The following HEMK2 variants were observed in gnomAD, a reference collection of about 807,000 sequenced individuals.
HEMK2 encodes methyltransferase HEMK2.
At chr21:28,701,683 G>A in the HEMK2 span, among the ~76,000 whole-genome samples, 1 of 151,756 alleles carries the variant, frequency 6.6e-6, no homozygotes, top group Non-Finnish European at 1.5e-5. Flanking sequence ...AATCAGAGGT[G>A]ACATAAACAA....
the HEMK2 span, among the ~76,000 whole-genome samples, chr21:28,774,899 T>C: frequency 6.6e-6 from 1 of 152,220 alleles, no homozygotes; most frequent in Non-Finnish European, 1.5e-5. Context: ...ATCTTCAAGA[T>C]GCATCTAAAT....
chr21:28,767,856 A>G, the HEMK2 span, among the ~76,000 whole-genome samples: 65,878 of 151,542 alleles, frequency 0.43, 15,631 homozygotes, highest in African/African-American at 0.61. Flanking sequence ...ACATCCTCTC[A>G]CAGTCACCTG....
At chr21:28,653,545 C>T in the HEMK2 span, among the ~76,000 whole-genome samples, 2 of 152,090 alleles carry the variant, frequency 1.3e-5, no homozygotes, top group African/African-American at 4.8e-5. Flanking sequence ...TAAAAGGAAA[C>T]AACCTCACAG....
chr21:28,786,081 C>G, the HEMK2 span, among the ~76,000 whole-genome samples: 108 of 152,296 alleles, frequency 7.1e-4, no homozygotes, highest in African/African-American at 2.5e-3. Flanking sequence ...ATTCCTGGTG[C>G]ATAACCCAGT....
At chr21:28,781,400 C>T in the HEMK2 span, among the ~76,000 whole-genome samples, 2 of 152,148 alleles carry the variant, frequency 1.3e-5, no homozygotes, top group African/African-American at 4.8e-5. Flanking sequence ...TATAGCTACC[C>T]ATGACGCCAT....
the HEMK2 span, among the ~76,000 whole-genome samples, chr21:28,678,928 C>A: frequency 2.0e-5 from 3 of 152,180 alleles, no homozygotes; most frequent in African/African-American, 7.2e-5. Flanking sequence ...CGGTACCAGT[C>A]ACTGCAAAAA....
At chr21:28,643,390 G>A in the HEMK2 span, among the ~76,000 whole-genome samples, 1 of 152,124 alleles carries the variant, frequency 6.6e-6, no homozygotes, top group Non-Finnish European at 1.5e-5. Flanking sequence ...ATAGAGAAAA[G>A]ATTATGTTGA....
chr21:28,677,412 G>T, the HEMK2 span, among the ~76,000 whole-genome samples: 1 of 152,174 alleles, frequency 6.6e-6, no homozygotes, highest in East Asian at 1.9e-4. Context: ...GCTCGAACTG[G>T]GTGGAGCCCA....
chr21:28,673,462 C>T, the HEMK2 span, among the ~76,000 whole-genome samples: 3 of 149,528 alleles, frequency 2.0e-5, no homozygotes, highest in Non-Finnish European at 4.5e-5. Context: ...AGCAACATTC[C>T]AAACTCAAAC....
the HEMK2 span, among the ~76,000 whole-genome samples, chr21:28,838,967 AAAAAAATATATATATAT>A: frequency 5.4e-5 from 3 of 55,616 alleles, no homozygotes; most frequent in South Asian, 1.9e-3. Flanking sequence ...AAAAAAAAAA[AAAAAAATATATATATAT>A]ATATATATAT....
At chr21:28,747,208 G>A in the HEMK2 span, among the ~76,000 whole-genome samples, 5 of 152,196 alleles carry the variant, frequency 3.3e-5, no homozygotes, top group Non-Finnish European at 5.9e-5. Flanking sequence ...CTATGACCTG[G>A]GAGGAGAAAG....
the HEMK2 span, among the ~76,000 whole-genome samples, chr21:28,877,030 AGGAAGGAGGGAG>A: frequency 3.1e-5 from 1 of 32,100 alleles, no homozygotes; most frequent in African/African-American, 1.3e-4. Flanking sequence ...GAAGGAAGGA[AGGAAGGAGGGAG>A]GGAGGGAGGG....
the HEMK2 span, among the ~76,000 whole-genome samples, chr21:28,692,401 T>C: frequency 3.3e-5 from 5 of 152,076 alleles, no homozygotes; most frequent in African/African-American, 1.2e-4. Context: ...TGAAGCTATA[T>C]GCAATGATTA....
chr21:28,707,547 C>T, the HEMK2 span, among the ~76,000 whole-genome samples: 1 of 152,148 alleles, frequency 6.6e-6, no homozygotes, highest in African/African-American at 2.4e-5. Flanking sequence ...TGAGCCACCA[C>T]ACTCGATGTA....
At chr21:28,840,923 C>T in the HEMK2 span, among the ~76,000 whole-genome samples, 3 of 142,634 alleles carry the variant, frequency 2.1e-5, no homozygotes, top group Non-Finnish European at 3.0e-5. Flanking sequence ...GCACAATTTA[C>T]AATTGCAAAA....
chr21:28,803,815 G>C, the HEMK2 span, among the ~76,000 whole-genome samples: 1 of 151,988 alleles, frequency 6.6e-6, no homozygotes, highest in Non-Finnish European at 1.5e-5. Flanking sequence ...CTATTTCTTG[G>C]GTACCCCAAT....
At chr21:28,628,642 C>G in the HEMK2 span, among the ~76,000 whole-genome samples, 1 of 152,134 alleles carries the variant, frequency 6.6e-6, no homozygotes, top group Non-Finnish European at 1.5e-5. Context: ...TTAGTAAAGA[C>G]AGGGTTTCAC....
chr21:28,851,371 T>C, the HEMK2 span, among the ~76,000 whole-genome samples: 1 of 152,112 alleles, frequency 6.6e-6, no homozygotes, highest in Non-Finnish European at 1.5e-5. Flanking sequence ...CCTTCTCTTG[T>C]TCTGGACCCC....
chr21:28,591,870 A>C, the HEMK2 span, among the ~76,000 whole-genome samples: 10 of 152,258 alleles, frequency 6.6e-5, no homozygotes, highest in South Asian at 2.1e-3. Context: ...GTTCCTGCAA[A>C]GGTAATTGTC....
Sources: gnomAD v4.1 joint callset for allele counts (sites outside exome capture counted in the v4.1 genomes callset) on GRCh38, gnomAD v4.1.1 for gene constraint, MANE v1.5 for transcripts, NCBI Gene and HGNC (gene_info 2026-07-23, HGNC 2026-07-21) for gene names.